PCSK2: variants seen among roughly 807,000 people sequenced by gnomAD.
PCSK2 encodes proprotein convertase subtilisin/kexin type 2, also known as neuroendocrine convertase 2.
A neutral mutation model predicts 69.7 loss-of-function variants in PCSK2; 14 were observed. That is an observed-to-expected ratio of 0.20 (90% CI 0.13 to 0.31). PCSK2 has a LOEUF of 0.31. Among genes scored for constraint, PCSK2 ranks in the 10% least tolerant of loss-of-function variants. PCSK2 has a pLI of 1.00. For missense variants in PCSK2, 544 were observed against 842.5 expected (o/e 0.65, Z 4.39); for synonymous variants, 307 against 320.7 (o/e 0.96, Z 0.46).
At chr20:17,431,556 T>C (rs1274063081) in intron 7 of PCSK2, among the ~76,000 whole-genome samples, 1 of 152,044 alleles carries the variant, frequency 6.6e-6, no homozygotes, top group Non-Finnish European at 1.5e-5. Context: ...AGAACAGACA[T>C]CCAAAGATTT....
chr20:17,424,531 C>T (rs992787183), intron 6 of PCSK2, among the ~76,000 whole-genome samples: 13 of 152,124 alleles, frequency 8.5e-5, no homozygotes, highest in South Asian at 2.1e-4. Flanking sequence ...CTCACTCTGT[C>T]GCCCAGGCTG....
At chr20:17,324,254 AGGCTATAACCACT>A (rs1989969653) in intron 2 of PCSK2, among the ~76,000 whole-genome samples, 1 of 152,064 alleles carries the variant, frequency 6.6e-6, no homozygotes, top group African/African-American at 2.4e-5. Flanking sequence ...AAATGATACC[AGGCTATAACCACT>A]GGCTCCAATC....
chr20:17,353,279 T>C (rs1389459570), intron 2 of PCSK2, among the ~76,000 whole-genome samples: 1 of 138,514 alleles, frequency 7.2e-6, no homozygotes, highest in African/African-American at 2.7e-5. Context: ...TGGCCAACAC[T>C]GTGAAACCCT....
rs1016876628 is a variant in PCSK2, at chr20:17,227,197, AT to A, written c.-102del. ...GTTCAGTCTCTTTCTCTATACAAAG[AT>A]TTTTTTAAAAACTATATATAAGAAT... is the stretch of plus-strand genomic sequence containing the variant. On this transcript the variant is annotated 5_prime_UTR_variant, in exon 1 of 12. Transcript: ENST00000262545. 2 of 718,560 alleles carry A rather than the reference AT, an allele frequency of 2.8e-6. No homozygotes were observed. The highest frequency in any genetic ancestry group is 1.8e-5 in the South Asian group (1 of 54,232). The allele number at this position is 718,560 out of a possible 1,614,324, so 44.5% of individuals were successfully genotyped here.
intron 8 of PCSK2, among the ~76,000 whole-genome samples, chr20:17,447,263 T>A (rs2032716973): frequency 9.5e-6 from 1 of 104,976 alleles, no homozygotes; most frequent in African/African-American, 4.1e-5. Flanking sequence ...AGAGCTATAC[T>A]CTGTCTCAAA....
chr20:17,397,725 C>A (rs2031542686), intron 5 of PCSK2, among the ~76,000 whole-genome samples: 1 of 152,154 alleles, frequency 6.6e-6, no homozygotes, highest in African/African-American at 2.4e-5. Flanking sequence ...GATCCACCTG[C>A]CTCGGCCTCC....
chr20:17,436,542 A>G (rs534818674), intron 7 of PCSK2, among the ~76,000 whole-genome samples, 166 bp from the exon 8 acceptor site: 2 of 152,360 alleles, frequency 1.3e-5, no homozygotes, highest in East Asian at 1.9e-4. Flanking sequence ...AGGAGCCAGT[A>G]GGACCGTCTG....
intron 1 of PCSK2, among the ~76,000 whole-genome samples, chr20:17,244,339 A>G (rs1296334153): frequency 6.6e-6 from 1 of 152,224 alleles, no homozygotes; most frequent in Non-Finnish European, 1.5e-5. Flanking sequence ...CTCTCCCTCT[A>G]TGAAATAGAG....
At chr20:17,342,066 CAAG>C (rs1404308144) in intron 2 of PCSK2, among the ~76,000 whole-genome samples, 1 of 152,140 alleles carries the variant, frequency 6.6e-6, no homozygotes, top group Non-Finnish European at 1.5e-5. Flanking sequence ...TCCCATTTTA[CAAG>C]AAGGAGAATT....
intron 2 of PCSK2, among the ~76,000 whole-genome samples, chr20:17,275,495 A>C (rs975611522): frequency 2.0e-5 from 3 of 151,968 alleles, no homozygotes; most frequent in Non-Finnish European, 4.4e-5. Context: ...ATATGATAGA[A>C]AGAAAGGTTC....
At chr20:17,446,902 T>A (rs1440110022) in intron 8 of PCSK2, among the ~76,000 whole-genome samples, 1 of 152,156 alleles carries the variant, frequency 6.6e-6, no homozygotes, top group Non-Finnish European at 1.5e-5. Flanking sequence ...TGCACATAGA[T>A]AATGAAAATC....
At chr20:17,385,191 A>G (rs2031203384) in intron 5 of PCSK2, among the ~76,000 whole-genome samples, 1 of 152,184 alleles carries the variant, frequency 6.6e-6, no homozygotes, top group Admixed American at 6.5e-5. Flanking sequence ...TGATCCTTTA[A>G]GAATAGGTCT....
intron 11 of PCSK2, chr20:17,479,057 A>G: frequency 8.4e-7 from 1 of 1,192,946 alleles, no homozygotes; most frequent in South Asian, 1.2e-5. Context: ...TCTTAAGTTA[A>G]TGGCTTTAAC....
intron 6 of PCSK2, among the ~76,000 whole-genome samples, chr20:17,412,182 G>A (rs886195428): frequency 6.6e-6 from 1 of 152,180 alleles, no homozygotes; most frequent in Non-Finnish European, 1.5e-5. Context: ...AAATGACTTT[G>A]ATGAGTTGAC....
chr20:17,384,312 G>T (rs1160105775), intron 5 of PCSK2, among the ~76,000 whole-genome samples: 1 of 151,750 alleles, frequency 6.6e-6, no homozygotes, highest in Non-Finnish European at 1.5e-5. Flanking sequence ...TTGAGGCCAG[G>T]CCTGGTGGCT....
intron 8 of PCSK2, among the ~76,000 whole-genome samples, chr20:17,441,201 T>G (rs1002107868): frequency 6.6e-6 from 1 of 152,164 alleles, no homozygotes; most frequent in Non-Finnish European, 1.5e-5. Context: ...CACCTGCCCT[T>G]GATGCTTTCA....
chr20:17,385,151 T>C (rs1017278138), intron 5 of PCSK2, among the ~76,000 whole-genome samples: 4 of 152,210 alleles, frequency 2.6e-5, no homozygotes, highest in African/African-American at 7.2e-5. Context: ...AAAGTCCATA[T>C]GGCCTGCAAA....
At chr20:17,336,555 G>A (rs547596898) in intron 2 of PCSK2, among the ~76,000 whole-genome samples, 1 of 152,254 alleles carries the variant, frequency 6.6e-6, no homozygotes, top group East Asian at 1.9e-4. Context: ...TCAGGCAAAC[G>A]GCAGTCCACA....
intron 2 of PCSK2, among the ~76,000 whole-genome samples, chr20:17,324,203 C>T (rs1989967896): frequency 6.6e-6 from 1 of 152,138 alleles, no homozygotes; most frequent in South Asian, 2.1e-4. Context: ...CCTAGATAAA[C>T]TATACTCAAG....
Sources: allele counts gnomAD v4.1 joint callset (sites outside exome capture counted in the v4.1 genomes callset), GRCh38; gene constraint gnomAD v4.1.1; transcripts MANE v1.5; gene names NCBI Gene and HGNC (gene_info 2026-07-23, HGNC 2026-07-21).